The following TEKT5 variants were observed in gnomAD, a reference collection of about 807,000 sequenced individuals.
The protein encoded by TEKT5 is tektin-5.
In TEKT5, 52 loss-of-function variants were observed where a neutral mutation model predicts 48.7. The observed-to-expected ratio is 1.07, with a 90% CI of 0.86 to 1.35. The LOEUF is 1.35. Ranked by LOEUF, TEKT5 falls within the 40% of genes most tolerant of loss-of-function variation. The pLI, the probability that TEKT5 is intolerant of heterozygous loss-of-function variation, is 0.00. For synonymous variants in TEKT5, 318 were observed against 267.6 expected (o/e 1.19, Z -1.84); for missense variants, 831 against 641.6 (o/e 1.30, Z -3.19).
At chr16:10,690,204 A>T (rs1898943911) in intron 1 of TEKT5, 179 bp from the exon 2 acceptor site, 2 of 623,700 alleles carry the variant, frequency 3.2e-6, no homozygotes, top group Admixed American at 5.9e-5. Flanking sequence ...CCCGGATGAG[A>T]GCTGTGGGTT....
chr16:10,651,618 A>G (rs2142274634), intron 5 of TEKT5, among the ~76,000 whole-genome samples: 1 of 152,292 alleles, frequency 6.6e-6, no homozygotes, highest in African/African-American at 2.4e-5. Flanking sequence ...CTCAGCAAAC[A>G]CTGGCTCCCT....
In TEKT5 at chr16:10,635,817, C is replaced by G. The variant is rs746437369; in HGVS notation, c.1188G>C (p.Glu396Asp). The change falls in exon 6 of 7, where the codon GAG (glutamate) becomes GAC (aspartate). Residue 396 changes from glutamate to aspartate, a missense_variant. Physicochemically the swap from Glu to Asp is conservative, Grantham distance 45. Coordinates refer to ENST00000283025, the MANE Select transcript of TEKT5 (RefSeq NM_144674.2). ...GPLKVAQTRL[E>D]CRTRRPNMEL... ...CCATGTTGGGGCGCCGGGTCCGGCA[C>G]TCCAGCCTTGTCTGGGCCACCTTCA... 9.3e-6 allele frequency: 15 copies of G among 1,614,092 alleles called. No homozygotes were observed. In the African/African-American group the frequency reaches 1.7e-4, roughly 19 times the overall value.
intron 5 of TEKT5, among the ~76,000 whole-genome samples, chr16:10,659,133 C>A (rs972963320): frequency 1.8e-4 from 27 of 152,196 alleles, no homozygotes; most frequent in African/African-American, 6.5e-4. Context: ...GCTGTGACAA[C>A]CACATTGCGA....
intron 1 of TEKT5, among the ~76,000 whole-genome samples, chr16:10,693,728 A>T (rs552191383): frequency 6.6e-6 from 1 of 152,346 alleles, no homozygotes; most frequent in East Asian, 1.9e-4. Context: ...CATGCCTGCA[A>T]TCCCAGCACT....
At chr16:10,659,744 G>A (rs181388129) in intron 5 of TEKT5, among the ~76,000 whole-genome samples, 2 of 152,292 alleles carry the variant, frequency 1.3e-5, no homozygotes, top group African/African-American at 2.4e-5. Flanking sequence ...AGAAAACCAT[G>A]AAAGGCCTGT....
At chr16:10,690,087 G>A (rs1898941828) in intron 1 of TEKT5, 62 bp from the exon 2 acceptor site, 4 of 1,555,972 alleles carry the variant, frequency 2.6e-6, no homozygotes, top group Middle Eastern at 1.7e-4. Context: ...CTGAGCAGAA[G>A]GGACTCACAT....
intron 5 of TEKT5, among the ~76,000 whole-genome samples, chr16:10,661,672 G>A (rs927552911): frequency 1.3e-5 from 2 of 152,160 alleles, no homozygotes; most frequent in African/African-American, 4.8e-5. Context: ...GAGAACTTAT[G>A]GAATGTGCGG....
At chr16:10,627,888 G>A in intron 6 of TEKT5, 89 bp from the exon 7 acceptor site, 1 of 1,284,472 alleles carries the variant, frequency 7.8e-7, no homozygotes, top group Non-Finnish European at 1.1e-6. Flanking sequence ...TGTCACCCAG[G>A]CTGGAGTGCA....
At chr16:10,647,918 T>G (rs948830429) in intron 5 of TEKT5, among the ~76,000 whole-genome samples, 4 of 152,242 alleles carry the variant, frequency 2.6e-5, no homozygotes, top group Non-Finnish European at 5.9e-5. Flanking sequence ...CCTGTCCTTG[T>G]GGAGTGGACA....
Position 10,650,045 on chromosome 16 carries a change from C to T in TEKT5, c.1087-14127G>A, listed in dbSNP as rs114573096. On this transcript the variant is annotated intron_variant, in intron 5 of 6. Coordinates refer to ENST00000283025, the MANE Select transcript of TEKT5 (RefSeq NM_144674.2). ...CTCCCCCTGGTCTCCTCCCACTCCC[C>T]CTGCCATTTCTTTTTTTATTTTTAT... Among the ~76,000 whole-genome samples, 1,018 of 152,130 alleles carry T rather than the reference C, an allele frequency of 6.7e-3. 9 individuals carry two copies. Among genetic ancestry groups the T allele is most frequent in the African/African-American group, 0.023 (963 of 41,514 alleles).
chr16:10,686,532 G>A (rs900877516), intron 3 of TEKT5, among the ~76,000 whole-genome samples: 1 of 151,924 alleles, frequency 6.6e-6, no homozygotes, highest in Non-Finnish European at 1.5e-5. Context: ...AAACATAGGG[G>A]AAAAGTTCCA....
chr16:10,694,635 G>A lies in TEKT5; in HGVS notation c.239C>T (p.Thr80Ile), dbSNP rs756381587. 9 of 1,612,956 alleles carry A rather than the reference G, an allele frequency of 5.6e-6. No individual in the cohort carries two copies. Among genetic ancestry groups the A allele is most frequent in the Non-Finnish European group, 7.6e-6 (9 of 1,179,396 alleles). The stretch of plus-strand genomic sequence containing the variant: ...GCGAGAGAAGAGTGCGGAGCGCAGT[G>A]TGGGCAGGATGGTGGGCGGCCGCAG... ...STLRPPTILP[T>I]LRSALFSRYS... The change falls in exon 1 of 7, where the codon ACA becomes ATA. Residue 80 changes from threonine (T) to isoleucine (I), a missense_variant. Transcript: ENST00000283025.
At chr16:10,676,919 C>A (rs1204652560) in intron 4 of TEKT5, among the ~76,000 whole-genome samples, 3 of 143,266 alleles carry the variant, frequency 2.1e-5, no homozygotes, top group Non-Finnish European at 4.6e-5. Flanking sequence ...CTGGGCCAGC[C>A]ATGCCTCTAA....
chr16:10,679,576 T>C (rs1485973775), intron 4 of TEKT5, among the ~76,000 whole-genome samples: 1 of 151,906 alleles, frequency 6.6e-6, no homozygotes, highest in Non-Finnish European at 1.5e-5. Context: ...TCCTGTTTCA[T>C]CCGCCCAGAC....
At chr16:10,689,459 C>T in intron 2 of TEKT5, 136 bp from the exon 3 acceptor site, 1 of 717,178 alleles carries the variant, frequency 1.4e-6, no homozygotes, top group South Asian at 1.8e-5. Context: ...CAGCGTGGGG[C>T]CCCGCCTCAA....
chr16:10,628,780 CCT>C (rs2142251643), intron 6 of TEKT5, among the ~76,000 whole-genome samples: 1 of 151,992 alleles, frequency 6.6e-6, no homozygotes, highest in East Asian at 1.9e-4. Flanking sequence ...ATGGTGGGTG[CCT>C]GTAATCCCAG....
chr16:10,653,124 T>C (rs1456933098), intron 5 of TEKT5, among the ~76,000 whole-genome samples: 1 of 152,152 alleles, frequency 6.6e-6, no homozygotes, highest in Non-Finnish European at 1.5e-5. Flanking sequence ...AAGAGGCTTC[T>C]GGGGCACAGC....
intron 4 of TEKT5, among the ~76,000 whole-genome samples, chr16:10,681,377 GTCTCTCTC>G (rs59484637): frequency 4.4e-4 from 17 of 38,780 alleles, no homozygotes; most frequent in Non-Finnish European, 6.5e-4. Flanking sequence ...TCCACTCTCT[GTCTCTCTC>G]TCTCTCTCTC....
chr16:10,630,139 G>A (rs956387792), intron 6 of TEKT5, among the ~76,000 whole-genome samples: 2 of 152,134 alleles, frequency 1.3e-5, no homozygotes, highest in East Asian at 3.9e-4. Context: ...TCACCATGTT[G>A]CCCAGGCTGG....
Sources: gnomAD v4.1 joint callset for allele counts (sites outside exome capture counted in the v4.1 genomes callset) on GRCh38, gnomAD v4.1.1 for gene constraint, MANE v1.5 for transcripts, NCBI Gene and HGNC (gene_info 2026-07-23, HGNC 2026-07-21) for gene names.